PDE3A: variants seen among roughly 807,000 people sequenced by gnomAD.
PDE3A encodes phosphodiesterase 3A, also known as cGMP-inhibited 3',5'-cyclic phosphodiesterase 3A.
In PDE3A, 43 loss-of-function variants were observed where a neutral mutation model predicts 98.3. The ratio of observed to expected loss-of-function variants is 0.44; its 90% CI spans 0.34 to 0.56. The LOEUF (loss-of-function observed/expected upper bound fraction) is 0.56. PDE3A is among the 20% of genes least tolerant of loss of function. PDE3A has a pLI of 0.01. For missense variants in PDE3A, 1,427 were observed against 1,440.7 expected (o/e 0.99, Z 0.15); for synonymous variants, 663 against 567.9 (o/e 1.17, Z -2.38).
chr12:20,492,486 T>C (rs1435351687), intron 1 of PDE3A, among the ~76,000 whole-genome samples: 1 of 151,990 alleles, frequency 6.6e-6, no homozygotes, highest in Non-Finnish European at 1.5e-5. Context: ...AGTACCTAGT[T>C]ATAGAAGTAT....
intron 1 of PDE3A, among the ~76,000 whole-genome samples, chr12:20,402,980 T>TA (rs1181967103): frequency 6.6e-6 from 1 of 152,194 alleles, no homozygotes; most frequent in Non-Finnish European, 1.5e-5. Context: ...GGAAGTTACA[T>TA]AAGAATAGAG....
chr12:20,684,580 A>G lies in PDE3A; in HGVS notation c.*4309A>G, dbSNP rs1476294907. Among the ~76,000 whole-genome samples the G allele has an allele frequency of 6.6e-6, 1 of 152,226 alleles. No individual in the cohort carries two copies. The highest frequency in any genetic ancestry group is 2.4e-5 in the African/African-American group (1 of 41,448). On this transcript the variant is annotated 3_prime_UTR_variant, in exon 16 of 16. Coordinates refer to ENST00000359062, the MANE Select transcript of PDE3A (RefSeq NM_000921.5). Reference sequence around the variant, plus strand: ...ACTGAGTTTATTTCATTGATCGAACAAGCAGCAACACATTTTATGACCATT... The same window carrying G: ...ACTGAGTTTATTTCATTGATCGAACGAGCAGCAACACATTTTATGACCATT...
chr12:20,521,863 A>G (rs1437623258), intron 1 of PDE3A, among the ~76,000 whole-genome samples: 1 of 152,136 alleles, frequency 6.6e-6, no homozygotes, highest in East Asian at 1.9e-4. Context: ...ACTTACCTAC[A>G]GAAATGATCC....
chr12:20,497,130 G>T (rs549995997), intron 1 of PDE3A, among the ~76,000 whole-genome samples: 3 of 152,214 alleles, frequency 2.0e-5, no homozygotes, highest in Admixed American at 2.0e-4. Flanking sequence ...AAAACTGTAA[G>T]TAGTTGTGCT....
At chr12:20,640,000 C>G (rs769480328) in intron 10 of PDE3A, 43 bp downstream of exon 10, 11 of 926,676 alleles carry the variant, frequency 1.2e-5, no homozygotes, top group Non-Finnish European at 1.8e-5. Flanking sequence ...TAAAATATGT[C>G]GAATTTGCTG....
At chr12:20,464,365 C>G (rs547322076) in intron 1 of PDE3A, among the ~76,000 whole-genome samples, 8 of 152,260 alleles carry the variant, frequency 5.3e-5, no homozygotes, top group Admixed American at 5.2e-4. Flanking sequence ...ATTCACTTAA[C>G]AAGGTTCACT....
At chr12:20,637,356 A>G in intron 9 of PDE3A, 119 bp downstream of exon 9, 2 of 636,624 alleles carry the variant, frequency 3.1e-6, no homozygotes, top group South Asian at 2.5e-5. Flanking sequence ...AGGAAGTTTT[A>G]GAACACAACA....
chr12:20,667,108 T>G (rs1592164383), intron 15 of PDE3A, among the ~76,000 whole-genome samples: 1 of 152,186 alleles, frequency 6.6e-6, no homozygotes, highest in South Asian at 2.1e-4. Flanking sequence ...CCTTGCCCAC[T>G]TTTTAATAGA....
At chr12:20,397,276 A>C (rs1227441085) in intron 1 of PDE3A, among the ~76,000 whole-genome samples, 1 of 152,024 alleles carries the variant, frequency 6.6e-6, no homozygotes, top group East Asian at 1.9e-4. Flanking sequence ...ATATGTCTCT[A>C]TATATTCTAG....
At chr12:20,445,263 C>T (rs966540457) in intron 1 of PDE3A, among the ~76,000 whole-genome samples, 33 of 152,090 alleles carry the variant, frequency 2.2e-4, no homozygotes, top group African/African-American at 7.7e-4. Context: ...GGCCTGGGTG[C>T]TTTTTCCCTG....
intron 15 of PDE3A, among the ~76,000 whole-genome samples, chr12:20,669,105 G>A (rs1945399896): frequency 6.6e-6 from 1 of 150,482 alleles, no homozygotes; most frequent in Admixed American, 6.8e-5. Context: ...ATCAGCGATG[G>A]AAGATGAAAT....
At chr12:20,528,028 T>C (rs1431005973) in intron 1 of PDE3A, among the ~76,000 whole-genome samples, 2 of 152,116 alleles carry the variant, frequency 1.3e-5, no homozygotes, top group Non-Finnish European at 2.9e-5. Context: ...TGAGGGAGTT[T>C]GTAAGAATGG....
intron 2 of PDE3A, among the ~76,000 whole-genome samples, chr12:20,574,679 G>GA (rs1220448060): frequency 6.6e-6 from 1 of 151,910 alleles, no homozygotes; most frequent in Non-Finnish European, 1.5e-5. Flanking sequence ...TGCTCAGCAT[G>GA]ATGAGCCCAG....
chr12:20,555,406 G>A (rs1942344616), intron 1 of PDE3A, among the ~76,000 whole-genome samples: 1 of 152,158 alleles, frequency 6.6e-6, no homozygotes, highest in Non-Finnish European at 1.5e-5. Context: ...CTAAGGTCAA[G>A]TAAATTAACA....
chr12:20,383,363 A>G (rs10841501), intron 1 of PDE3A, among the ~76,000 whole-genome samples: 102,182 of 151,700 alleles, frequency 0.67, 34,550 homozygotes, highest in East Asian at 0.88. Context: ...TGGTGCCATT[A>G]TTCTCAAATG....
chr12:20,486,429 A>G (rs1331406421), intron 1 of PDE3A, among the ~76,000 whole-genome samples: 5 of 152,178 alleles, frequency 3.3e-5, no homozygotes, highest in Admixed American at 2.0e-4. Context: ...CCCTTGACAC[A>G]TCGGAATCAT....
At chr12:20,542,864 C>T (rs773432417) in intron 1 of PDE3A, among the ~76,000 whole-genome samples, 89 of 151,964 alleles carry the variant, frequency 5.9e-4, no homozygotes, top group Non-Finnish European at 1.0e-3. Context: ...TGTCTTTTCA[C>T]GGGGCATGGT....
Position 20,369,590 on chromosome 12 carries a change from A to G in PDE3A, c.306A>G (p.Glu102=), listed in dbSNP as rs1054775874. ...CKEAAAAEEE[E]AAPGAEGGVF... ...AGGCGGCGGCGGCGGAGGAGGAGGA[A>G]GCAGCCCCGGGAGCAGAAGGGGGCG... Residue 102 remains glutamate, a synonymous_variant, in exon 1 of 16, where the codon GAA becomes GAG. Coordinates refer to ENST00000359062, the MANE Select transcript of PDE3A (RefSeq NM_000921.5). 4.5e-6 allele frequency: 7 copies of G among 1,560,448 alleles called. No homozygotes were observed. In the South Asian group the frequency reaches 5.9e-5, roughly 13 times the overall value.
At chr12:20,585,060 T>TTTCTC (rs1467794234) in intron 2 of PDE3A, among the ~76,000 whole-genome samples, 8 of 152,220 alleles carry the variant, frequency 5.3e-5, no homozygotes, top group African/African-American at 1.9e-4. Flanking sequence ...AATCTTGTTC[T>TTTCTC]TTCTCTAGTT....
Sources: allele counts gnomAD v4.1 joint callset (sites outside exome capture counted in the v4.1 genomes callset), GRCh38; gene constraint gnomAD v4.1.1; transcripts MANE v1.5; gene names NCBI Gene and HGNC (gene_info 2026-07-23, HGNC 2026-07-21).